Variants in RUBCNL observed in about 807,000 individuals in gnomAD.
The protein encoded by RUBCNL is protein associated with UVRAG as autophagy enhancer.
A neutral mutation model predicts 69.5 loss-of-function variants in RUBCNL; 62 were observed. The ratio of observed to expected loss-of-function variants is 0.89; its 90% CI spans 0.73 to 1.10. The LOEUF is 1.10. Among genes scored for constraint, RUBCNL ranks in the 50% least tolerant of loss-of-function variants. RUBCNL has a pLI of 0.00. For synonymous variants in RUBCNL, 291 were observed against 303.6 expected (o/e 0.96, Z 0.43); for missense variants, 768 against 798.1 (o/e 0.96, Z 0.45).
At chr13:46,378,309 G>C (rs762239615) in intron 1 of RUBCNL, 3 of 174,434 alleles carry the variant, frequency 1.7e-5, no homozygotes, top group Non-Finnish European at 3.7e-5. Flanking sequence ...ACAGGTCTAA[G>C]CAATACTTAG....
chr13:46,347,717 C>T (rs112543729), intron 12 of RUBCNL, among the ~76,000 whole-genome samples: 4 of 151,878 alleles, frequency 2.6e-5, no homozygotes, highest in African/African-American at 4.8e-5. Flanking sequence ...TCTGGCTGGG[C>T]GCGGTGGCTC....
chr13:46,340,679 G>A lies in RUBCNL; in HGVS notation c.*2706C>T, dbSNP rs1375847393. Among the ~76,000 whole-genome samples, 1 of 152,178 alleles carries A rather than the reference G, an allele frequency of 6.6e-6. No individual in the cohort carries two copies. Among genetic ancestry groups the A allele is most frequent in the African/African-American group, 2.4e-5 (1 of 41,442 alleles). On this transcript the variant is annotated 3_prime_UTR_variant, in exon 15 of 15. Transcript: ENST00000429979. Reference sequence around the variant, plus strand: ...TATCTGCTTCTGGTTAGGACTTGTGGCTGCTTCCACTCATGGTGGAGGGGA... The same window carrying A: ...TATCTGCTTCTGGTTAGGACTTGTGACTGCTTCCACTCATGGTGGAGGGGA...
intron 5 of RUBCNL, among the ~76,000 whole-genome samples, chr13:46,364,229 A>T (rs1303401876): frequency 1.3e-5 from 2 of 151,924 alleles, no homozygotes; most frequent in African/African-American, 4.8e-5. Flanking sequence ...CCCCATCTCT[A>T]CTAAAAATAC....
intron 3 of RUBCNL, among the ~76,000 whole-genome samples, chr13:46,370,917 G>GA (rs34771125): frequency 0.23 from 26,289 of 115,940 alleles, 2,861 homozygotes; most frequent in East Asian, 0.53. Context: ...AAAAAAATAG[G>GA]AAAAAAAAAA....
intron 14 of RUBCNL, 123 bp downstream of exon 14, chr13:46,344,618 T>G: frequency 1.4e-6 from 1 of 691,174 alleles, no homozygotes; most frequent in Non-Finnish European, 2.5e-6. Flanking sequence ...GACTGTACTT[T>G]AAATAACTGT....
chr13:46,350,092 G>A, intron 11 of RUBCNL, 21 bp downstream of exon 11: 1 of 1,509,700 alleles, frequency 6.6e-7, no homozygotes. Flanking sequence ...TGAGAGGGAT[G>A]GGGTTGGGGC....
At position 46,338,877 on chromosome 13, in the gene RUBCNL, T is replaced by A. The variant is rs888400216; in HGVS notation, c.*4508A>T. ...CTGGCCAACATGGCGAAACCCCGTC[T>A]CTACCAAAAACAGAAAAAAATTAGC... On this transcript the variant is annotated 3_prime_UTR_variant, in exon 15 of 15. Coordinates refer to ENST00000429979, the MANE Select transcript of RUBCNL (RefSeq NM_025113.5). Among the ~76,000 whole-genome samples, 4 of 151,968 alleles carry A rather than the reference T, an allele frequency of 2.6e-5. No individual in the cohort carries two copies. Among genetic ancestry groups the A allele is most frequent in the Non-Finnish European group, 4.4e-5 (3 of 67,974 alleles).
chr13:46,348,628 G>A (rs889232154), intron 12 of RUBCNL, among the ~76,000 whole-genome samples: 6 of 143,818 alleles, frequency 4.2e-5, no homozygotes, highest in East Asian at 2.1e-4. Flanking sequence ...TTTTTGAGAC[G>A]GAATCTCGTT....
rs1408549299 is a variant in RUBCNL, at chr13:46,336,716, T to G, written c.*6669A>C. On this transcript the variant is annotated 3_prime_UTR_variant, in exon 15 of 15. Transcript: ENST00000429979. ...GACGGTTTGGGTAGAATGGTTGAGATGGAAATGCTATTGTTGTAGGTAAAG... is the reference window on the plus strand; with the variant it reads ...GACGGTTTGGGTAGAATGGTTGAGAGGGAAATGCTATTGTTGTAGGTAAAG... Among the ~76,000 whole-genome samples the G allele has an allele frequency of 6.6e-6, 1 of 152,046 alleles. No homozygotes were observed. The highest frequency in any genetic ancestry group is 1.5e-5 in the Non-Finnish European group (1 of 68,020).
chr13:46,375,815 A>C (rs2048979988), intron 2 of RUBCNL, among the ~76,000 whole-genome samples: 1 of 152,172 alleles, frequency 6.6e-6, no homozygotes, highest in Non-Finnish European at 1.5e-5. Context: ...TTATACACAC[A>C]CACCCACACA....
rs1467840967 is a variant in RUBCNL, at chr13:46,337,047, G to C, written c.*6338C>G. ...TTAGGAGGTGGAGCCTTTAGGTGGTGATTAGGTCATGAGGGTGAGGCCCTC... is the reference window on the plus strand; with the variant it reads ...TTAGGAGGTGGAGCCTTTAGGTGGTCATTAGGTCATGAGGGTGAGGCCCTC... On this transcript the variant is annotated 3_prime_UTR_variant, in exon 15 of 15. Coordinates refer to ENST00000429979, the MANE Select transcript of RUBCNL (RefSeq NM_025113.5). 6.6e-6 allele frequency among the ~76,000 whole-genome samples: 1 copy of C among 152,000 alleles called. No homozygotes were observed. Among genetic ancestry groups the C allele is most frequent in the Non-Finnish European group, 1.5e-5 (1 of 68,000 alleles).
At chr13:46,370,036 CAA>C (rs1199768738) in intron 3 of RUBCNL, among the ~76,000 whole-genome samples, 6 of 152,168 alleles carry the variant, frequency 3.9e-5, no homozygotes, top group African/African-American at 1.4e-4. Context: ...GCTATAGACA[CAA>C]GAGAAATTCA....
chr13:46,374,709 T>C (rs2048951221), intron 2 of RUBCNL: 1 of 152,274 alleles, frequency 6.6e-6, no homozygotes, highest in Admixed American at 6.5e-5. Context: ...TGGAATAAAA[T>C]CCAGACTCCT....
intron 3 of RUBCNL, among the ~76,000 whole-genome samples, chr13:46,369,859 A>C (rs1000060757): frequency 1.3e-5 from 2 of 152,220 alleles, no homozygotes; most frequent in African/African-American, 4.8e-5. Flanking sequence ...CCCTTGCTTC[A>C]TGTTCAAGAA....
chr13:46,382,257 A>G (rs997799826), intron 1 of RUBCNL, among the ~76,000 whole-genome samples: 1 of 152,222 alleles, frequency 6.6e-6, no homozygotes. Flanking sequence ...TACAGGGATC[A>G]AAAGAGCACA....
chr13:46,387,027 C>T, intron 1 of RUBCNL, 107 bp downstream of exon 1: 5 of 916,924 alleles, frequency 5.5e-6, no homozygotes, highest in Non-Finnish European at 6.5e-6. Context: ...ACCTCTCTGG[C>T]GCCACTTCCA....
At position 46,340,186 on chromosome 13, in the gene RUBCNL, T is replaced by C. The variant is rs770805344; in HGVS notation, c.*3199A>G. On this transcript the variant is annotated 3_prime_UTR_variant, in exon 15 of 15. Transcript: ENST00000429979. ...TAATGCACTATGTCCTCATCCTAAC[T>C]TAACCACCTCTGCAAAGACCCTACT... is the stretch of plus-strand genomic sequence containing the variant. Among the ~76,000 whole-genome samples, 11 of 152,148 alleles carry C rather than the reference T, an allele frequency of 7.2e-5. No individual in the cohort carries two copies. Among genetic ancestry groups the C allele is most frequent in the Non-Finnish European group, 1.6e-4 (11 of 68,028 alleles).
intron 9 of RUBCNL, among the ~76,000 whole-genome samples, chr13:46,357,566 C>T (rs955656647): frequency 1.3e-5 from 2 of 150,982 alleles, no homozygotes; most frequent in African/African-American, 2.4e-5. Flanking sequence ...TAAGAGGTAA[C>T]GTAAGACAAA....
rs965778519 is a variant in RUBCNL at position 46,367,976 on chromosome 13, G to T, written c.826+66C>A. The T allele has an allele frequency of 1.4e-5, 20 of 1,444,626 alleles. No individual in the cohort carries two copies. The African/African-American group carries it at 2.8e-4, about 20-fold the overall frequency. 89.5% of individuals were successfully genotyped at this position (1,444,626 alleles called of 1,614,324 possible). ...TGGAATATATGCCCCGTGGATAAGG[G>T]GTAATTATAGAGGAGATATATGTGA... is the stretch of plus-strand genomic sequence containing the variant. On this transcript the variant is annotated intron_variant, in intron 5 of 14. Transcript: ENST00000429979.
Sources: gnomAD v4.1 joint callset for allele counts (sites outside exome capture counted in the v4.1 genomes callset) on GRCh38, gnomAD v4.1.1 for gene constraint, MANE v1.5 for transcripts, NCBI Gene and HGNC (gene_info 2026-07-23, HGNC 2026-07-21) for gene names.